Variants in PHKA2 observed in about 807,000 individuals in gnomAD.
PHKA2 encodes the protein phosphorylase kinase regulatory subunit alpha 2, also known as phosphorylase b kinase regulatory subunit alpha, liver isoform.
Under a neutral mutation model 102.0 loss-of-function variants are expected in PHKA2, and 31 were observed. The observed-to-expected ratio is 0.30, with a 90% CI of 0.23 to 0.41. The LOEUF is 0.41. Ranked by LOEUF, PHKA2 falls within the 10% of genes least tolerant of loss-of-function variation. The pLI is 1.00. For missense variants in PHKA2, 858 were observed against 1,023.1 expected (o/e 0.84, Z 2.20); for synonymous variants, 455 against 416.2 (o/e 1.09, Z -1.13).
chrX:18,974,925 C>T (rs745449059), intron 1 of PHKA2, among the ~76,000 whole-genome samples: 1 of 111,168 alleles, frequency 9.0e-6, no homozygotes, highest in Admixed American at 9.6e-5. Context: ...ACCTCCCCCT[C>T]ATAATCTGGA....
intron 19 of PHKA2, among the ~76,000 whole-genome samples, chrX:18,911,988 C>A (rs2047936437): frequency 8.9e-6 from 1 of 111,967 alleles, no homozygotes; most frequent in Non-Finnish European, 1.9e-5. Context: ...CACTGCTGGG[C>A]AGTAGGGCTT....
chrX:18,983,884 G>C lies in PHKA2; in HGVS notation c.49C>G (p.Leu17Val). 8.3e-7 allele frequency: 1 copy of C among 1,211,563 alleles called. No homozygotes were observed. Among genetic ancestry groups the C allele is most frequent in the South Asian group, 1.8e-5 (1 of 57,026 alleles). The change falls in exon 1 of 33, where the codon CTG becomes GTG. Residue 17 changes from leucine to valine, a missense_variant. Physicochemically the swap from Leu to Val is conservative, Grantham distance 32 (BLOSUM62 1). This residue lies in a region of PHKA2 where 187 missense variants were observed against 277.9 expected (regional missense o/e 0.67). Coordinates refer to ENST00000379942, the MANE Select transcript of PHKA2 (RefSeq NM_000292.3). ...TAACACAGGATGGTTTGCTGCACCA[G>C]CCGCGCGTACCCGTCCAAGCGGACC... is the stretch of plus-strand genomic sequence containing the variant. ...SGVRLDGYAR[L>V]VQQTILCYQN...
intron 15 of PHKA2, 22 bp from the exon 16 acceptor site, chrX:18,924,547 G>T: frequency 8.3e-7 from 1 of 1,205,629 alleles, no homozygotes. Flanking sequence ...AGGAGGCTGG[G>T]TAAACGGCCA....
rs147779387 is a variant in PHKA2, at chrX:18,947,981, G to A, written c.537+763C>T. ...TGCAAAGGGATAAGAATGACACAGC[G>A]GACTGTGGGGACTCAGGGGGAAAGT... On this transcript the variant is annotated intron_variant, in intron 5 of 32. Transcript: ENST00000379942. Among the ~76,000 whole-genome samples, 820 of 111,046 alleles carry A rather than the reference G, an allele frequency of 7.4e-3. 10 individuals are homozygous for A. The highest frequency in any genetic ancestry group is 0.022 in the African/African-American group (682 of 30,486).
At chrX:18,980,215 T>C (rs976302349) in intron 1 of PHKA2, among the ~76,000 whole-genome samples, 1 of 112,842 alleles carries the variant, frequency 8.9e-6, no homozygotes, top group African/African-American at 3.2e-5. Context: ...CCGGGTATTG[T>C]CCAAGGTTTC....
At chrX:18,942,661 A>C (rs2048511846) in intron 7 of PHKA2, among the ~76,000 whole-genome samples, 1 of 110,008 alleles carries the variant, frequency 9.1e-6, no homozygotes, top group Non-Finnish European at 1.9e-5. Flanking sequence ...TGGGCAACAG[A>C]GTGAGACCCT....
At chrX:18,945,433 ACT>A (rs1013568582) in intron 5 of PHKA2, among the ~76,000 whole-genome samples, 40 of 111,370 alleles carry the variant, frequency 3.6e-4, no homozygotes, top group African/African-American at 1.3e-3. Flanking sequence ...TTTGTAAGAA[ACT>A]CTGGATGTAT....
intron 29 of PHKA2, 115 bp downstream of exon 29, chrX:18,899,058 C>A (rs765085645): frequency 9.3e-6 from 6 of 643,138 alleles, no homozygotes; most frequent in East Asian, 3.3e-5. Flanking sequence ...GTGAGCATCC[C>A]GCTGAAAACA....
At chrX:18,976,483 C>T (rs1328899407) in intron 1 of PHKA2, among the ~76,000 whole-genome samples, 5 of 111,508 alleles carry the variant, frequency 4.5e-5, no homozygotes, top group Admixed American at 9.5e-5. Context: ...CTTCCTTATC[C>T]GTTTTTGCTT....
At chrX:18,941,721 AG>A in intron 7 of PHKA2, 46 bp from the exon 8 acceptor site, 12 of 932,106 alleles carry the variant, frequency 1.3e-5, no homozygotes, top group Non-Finnish European at 1.7e-5. Context: ...ATGCGCTAAT[AG>A]GCGCAGTATC....
intron 21 of PHKA2, among the ~76,000 whole-genome samples, 187 bp from the exon 22 acceptor site, chrX:18,908,243 G>A (rs751235105): frequency 1.8e-5 from 2 of 112,343 alleles, no homozygotes; most frequent in Non-Finnish European, 3.8e-5. Flanking sequence ...GGACGTGGTG[G>A]CCTCCTGGCC....
chrX:18,897,135 T>C, intron 30 of PHKA2, 28 bp downstream of exon 30: 13 of 1,205,686 alleles, frequency 1.1e-5, no homozygotes, highest in Non-Finnish European at 1.5e-5. Context: ...GACGGTTCAC[T>C]TCCCCAGGAG....
At chrX:18,928,894 T>C (rs1192084029) in intron 13 of PHKA2, among the ~76,000 whole-genome samples, 1 of 112,764 alleles carries the variant, frequency 8.9e-6, no homozygotes. Flanking sequence ...TGACCCTCAG[T>C]TGGGTTCTGA....
In PHKA2 at chrX:18,908,180, G is replaced by T. The variant is rs185375050; in HGVS notation, c.2361-124C>A. The T allele has an allele frequency of 3.4e-3, 2,327 of 683,179 alleles. 5 individuals are homozygous for T. Among genetic ancestry groups the T allele is most frequent in the Non-Finnish European group, 4.1e-3 (1,745 of 422,308 alleles). The allele number at this position is 683,179 out of a possible 1,213,427, so 56.3% of individuals were successfully genotyped here. ...AGTGCCCCTGAGTCTCACTGAGAGG[G>T]TTACGCCCGACCAAAGCTTCCCTAT... is the stretch of plus-strand genomic sequence containing the variant. On this transcript the variant is annotated intron_variant, in intron 21 of 32. Coordinates refer to ENST00000379942, the MANE Select transcript of PHKA2 (RefSeq NM_000292.3).
intron 3 of PHKA2, 77 bp from the exon 4 acceptor site, chrX:18,951,349 C>T: frequency 9.8e-7 from 1 of 1,023,579 alleles, no homozygotes; most frequent in Non-Finnish European, 1.4e-6. Flanking sequence ...TGGCCAGCCA[C>T]CTGGATCTAG....
rs191574604 is a variant in PHKA2 at position 18,979,594 on chromosome X, C to G, written c.78+4261G>C. On this transcript the variant is annotated intron_variant, in intron 1 of 32. Transcript: ENST00000379942. ...AGGCAACAAATGTTTAAAGATACTT[C>G]CTAGAGTATATATATTTACAAAATC... 8.9e-3 allele frequency among the ~76,000 whole-genome samples: 994 copies of G among 111,615 alleles called. 9 individuals carry two copies. Among genetic ancestry groups the G allele is most frequent in the Middle Eastern group, 0.014 (3 of 216 alleles).
intron 3 of PHKA2, 46 bp from the exon 4 acceptor site, chrX:18,951,318 G>T (rs1482561157): frequency 1.7e-6 from 2 of 1,158,006 alleles, no homozygotes; most frequent in Non-Finnish European, 2.4e-6. Flanking sequence ...GGGGGTTCAT[G>T]GCTGGCAGAG....
intron 5 of PHKA2, among the ~76,000 whole-genome samples, chrX:18,947,242 C>T (rs1481166761): frequency 8.9e-6 from 1 of 112,124 alleles, no homozygotes; most frequent in Admixed American, 9.4e-5. Context: ...TACTCTCTGG[C>T]CCTTTACAGA....
intron 5 of PHKA2, among the ~76,000 whole-genome samples, chrX:18,947,525 G>A (rs1165196579): frequency 8.9e-6 from 1 of 112,527 alleles, no homozygotes; most frequent in South Asian, 3.7e-4. Flanking sequence ...TCCCACCAAG[G>A]TGCTAATGCT....
Sources: gnomAD v4.1 joint callset for allele counts (sites outside exome capture counted in the v4.1 genomes callset) on GRCh38, gnomAD v4.1.1 for gene constraint, gnomAD v4.1.1 regional missense constraint, MANE v1.5 for transcripts, NCBI Gene and HGNC (gene_info 2026-07-23, HGNC 2026-07-21) for gene names.